Variants in ARB2A observed in about 807,000 individuals in gnomAD.
ARB2A encodes the protein ARB2 cotranscriptional regulator A, also known as cotranscriptional regulator ARB2A.
the ARB2A span, among the ~76,000 whole-genome samples, chr5:94,060,889 A>T: frequency 6.6e-6 from 1 of 152,204 alleles, no homozygotes; most frequent in African/African-American, 2.4e-5. Flanking sequence ...AGGCTACAGA[A>T]GAAAAAAAAT....
the ARB2A span, among the ~76,000 whole-genome samples, chr5:93,785,549 T>C: frequency 6.6e-6 from 1 of 152,188 alleles, no homozygotes; most frequent in Non-Finnish European, 1.5e-5. Context: ...ATGCTTATGA[T>C]ACCAAAGGAT....
chr5:93,708,573 G>A, the ARB2A span, among the ~76,000 whole-genome samples: 56 of 152,258 alleles, frequency 3.7e-4, no homozygotes, highest in South Asian at 7.0e-3. Context: ...GCAGGATTCC[G>A]CTCCTATGAG....
At chr5:93,651,949 A>T in the ARB2A span, among the ~76,000 whole-genome samples, 4 of 152,204 alleles carry the variant, frequency 2.6e-5, no homozygotes, top group Non-Finnish European at 5.9e-5. Flanking sequence ...AGGTATAGCT[A>T]AAATGACCTC....
the ARB2A span, among the ~76,000 whole-genome samples, chr5:93,905,876 AT>A: frequency 6.6e-6 from 1 of 151,556 alleles, no homozygotes; most frequent in South Asian, 2.1e-4. Context: ...TCCATATCAT[AT>A]ATGTTAATAC....
the ARB2A span, among the ~76,000 whole-genome samples, chr5:93,720,440 A>C: frequency 6.6e-6 from 1 of 152,202 alleles, no homozygotes; most frequent in African/African-American, 2.4e-5. Context: ...AAATCATTAA[A>C]TCTTCTCTGA....
the ARB2A span, among the ~76,000 whole-genome samples, chr5:93,846,881 A>C: frequency 2.0e-5 from 3 of 152,162 alleles, no homozygotes; most frequent in East Asian, 5.8e-4. Flanking sequence ...TCTTGAAATA[A>C]GACAACGATA....
At chr5:93,901,634 T>A in the ARB2A span, among the ~76,000 whole-genome samples, 1 of 152,256 alleles carries the variant, frequency 6.6e-6, no homozygotes, top group Non-Finnish European at 1.5e-5. Context: ...GTCTAGTCTA[T>A]GACTAGACTG....
the ARB2A span, among the ~76,000 whole-genome samples, chr5:93,957,648 CAT>C: frequency 6.6e-6 from 1 of 151,768 alleles, no homozygotes; most frequent in African/African-American, 2.4e-5. Context: ...GAAAAAAAAA[CAT>C]ATAGTTAACC....
chr5:93,620,779 C>T, the ARB2A span: 6 of 529,148 alleles, frequency 1.1e-5, no homozygotes, highest in African/African-American at 1.2e-4. Context: ...GCTCAGCCCG[C>T]AGGAAGCACG....
chr5:93,706,070 T>C, the ARB2A span, among the ~76,000 whole-genome samples: 3 of 152,270 alleles, frequency 2.0e-5, no homozygotes, highest in African/African-American at 7.2e-5. Flanking sequence ...TAAAAACAGA[T>C]GTTCAAACAA....
the ARB2A span, among the ~76,000 whole-genome samples, chr5:93,943,294 T>C: frequency 6.6e-6 from 1 of 152,116 alleles, no homozygotes; most frequent in African/African-American, 2.4e-5. Flanking sequence ...TCTGATATGT[T>C]GAAAAATGGT....
At chr5:93,653,919 G>A in the ARB2A span, among the ~76,000 whole-genome samples, 2 of 152,202 alleles carry the variant, frequency 1.3e-5, no homozygotes, top group Admixed American at 1.3e-4. Flanking sequence ...CCATGTTTTT[G>A]GCTCTAGGGT....
chr5:94,046,592 A>G, the ARB2A span, among the ~76,000 whole-genome samples: 1 of 151,578 alleles, frequency 6.6e-6, no homozygotes, highest in Admixed American at 6.6e-5. Flanking sequence ...TAGCAAGGGG[A>G]CTCCCTGCCC....
chr5:94,048,863 G>T, the ARB2A span, among the ~76,000 whole-genome samples: 1 of 152,148 alleles, frequency 6.6e-6, no homozygotes, highest in African/African-American at 2.4e-5. Context: ...AGTTGTCCTT[G>T]AAAAGATGAT....
At chr5:93,808,989 C>T in the ARB2A span, among the ~76,000 whole-genome samples, 2 of 151,882 alleles carry the variant, frequency 1.3e-5, no homozygotes, top group Non-Finnish European at 2.9e-5. Context: ...CTTTAATTGT[C>T]TTCTATTCTG....
chr5:93,847,856 C>T, the ARB2A span, among the ~76,000 whole-genome samples: 1 of 152,156 alleles, frequency 6.6e-6, no homozygotes, highest in South Asian at 2.1e-4. Flanking sequence ...ATTAAAAATG[C>T]CTACTTTTAA....
At chr5:93,960,135 C>T in the ARB2A span, among the ~76,000 whole-genome samples, 1 of 137,786 alleles carries the variant, frequency 7.3e-6, no homozygotes, top group Non-Finnish European at 1.6e-5. Flanking sequence ...AGTCATTACG[C>T]TTAGGAAGAG....
At chr5:93,963,436 A>G in the ARB2A span, among the ~76,000 whole-genome samples, 1 of 152,024 alleles carries the variant, frequency 6.6e-6, no homozygotes, top group African/African-American at 2.4e-5. Flanking sequence ...TTAAATAAAT[A>G]TATGTTGAAT....
the ARB2A span, chr5:93,784,503 T>G: frequency 6.2e-7 from 1 of 1,608,706 alleles, no homozygotes; most frequent in Non-Finnish European, 8.5e-7. Flanking sequence ...GAATCATCTG[T>G]TTTAAAAAAG....
Sources: gnomAD v4.1 joint callset for allele counts (sites outside exome capture counted in the v4.1 genomes callset) on GRCh38, gnomAD v4.1.1 for gene constraint, MANE v1.5 for transcripts, NCBI Gene and HGNC (gene_info 2026-07-23, HGNC 2026-07-21) for gene names.